Variants in RBFOX1 observed in about 807,000 individuals in gnomAD.
RBFOX1 encodes RNA binding fox-1 homolog 1.
In RBFOX1, 8 loss-of-function variants were observed where a neutral mutation model predicts 57.7. The observed-to-expected ratio is 0.14, with a 90% CI of 0.08 to 0.25. RBFOX1 has a LOEUF of 0.25. Among genes scored for constraint, RBFOX1 ranks in the 10% least tolerant of loss-of-function variants. The probability of loss-of-function intolerance (pLI) is 1.00; values close to 1 mark genes in which losing one functional copy is unlikely to be tolerated. For missense variants in RBFOX1, 611 were observed against 548.5 expected, an observed-to-expected ratio of 1.11 and a Z score of -1.14; for synonymous variants, 326 against 222.4, an observed-to-expected ratio of 1.47 and a Z score of -4.15.
intron 3 of RBFOX1, among the ~76,000 whole-genome samples, chr16:5,825,508 T>C (rs2056006342): frequency 6.6e-6 from 1 of 152,220 alleles, no homozygotes; most frequent in African/African-American, 2.4e-5. Context: ...GGAGCATTCA[T>C]AAACTTGGAT....
At chr16:5,986,905 G>A (rs534904057) in intron 4 of RBFOX1, among the ~76,000 whole-genome samples, 3 of 152,146 alleles carry the variant, frequency 2.0e-5, no homozygotes, top group Non-Finnish European at 4.4e-5. Context: ...TACAACTGCC[G>A]GATCGTGTGG....
chr16:5,278,885 A>T (rs180765638), intron 1 of RBFOX1, among the ~76,000 whole-genome samples: 1 of 152,274 alleles, frequency 6.6e-6, no homozygotes, highest in East Asian at 1.9e-4. Context: ...CTTTCTTGAA[A>T]ATCAGTTAGC....
intron 11 of RBFOX1, among the ~76,000 whole-genome samples, chr16:7,631,623 C>G (rs1197772047): frequency 6.6e-6 from 1 of 152,120 alleles, no homozygotes. Flanking sequence ...AAAAGTGAGT[C>G]TGGGTGCCTG....
At chr16:6,278,731 G>A (rs994884359) in intron 1 of RBFOX1, among the ~76,000 whole-genome samples, 5 of 152,028 alleles carry the variant, frequency 3.3e-5, no homozygotes, top group African/African-American at 1.2e-4. Flanking sequence ...TTTGCATACA[G>A]CTTAGAGCAG....
intron 3 of RBFOX1, among the ~76,000 whole-genome samples, chr16:7,047,314 TA>T (rs2048317679): frequency 6.6e-6 from 1 of 152,230 alleles, no homozygotes; most frequent in Non-Finnish European, 1.5e-5. Context: ...TTGGATGTAG[TA>T]TTCTCAGTTG....
At chr16:6,129,726 T>A (rs2096616246) in intron 1 of RBFOX1, among the ~76,000 whole-genome samples, 3 of 133,956 alleles carry the variant, frequency 2.2e-5, no homozygotes, top group African/African-American at 2.9e-5. Context: ...AGAACTAAAC[T>A]CAGACATCAG....
At chr16:6,444,552 T>G (rs2094447706) in intron 2 of RBFOX1, among the ~76,000 whole-genome samples, 1 of 152,188 alleles carries the variant, frequency 6.6e-6, no homozygotes, top group Non-Finnish European at 1.5e-5. Flanking sequence ...GCCATCCATG[T>G]AAGACGTGAC....
intron 2 of RBFOX1, among the ~76,000 whole-genome samples, chr16:6,545,180 G>A (rs1358890618): frequency 6.6e-6 from 1 of 152,126 alleles, no homozygotes; most frequent in Admixed American, 6.5e-5. Flanking sequence ...ACCCGCATCT[G>A]GACTACAAGC....
intron 1 of RBFOX1, among the ~76,000 whole-genome samples, chr16:5,263,329 C>T (rs946266670): frequency 6.6e-6 from 1 of 152,024 alleles, no homozygotes; most frequent in Admixed American, 6.6e-5. Context: ...TCTGCAATTA[C>T]TTTTGCACCA....
intron 3 of RBFOX1, among the ~76,000 whole-genome samples, chr16:6,905,552 CAA>C (rs55769867): frequency 1.7e-4 from 25 of 143,388 alleles, no homozygotes; most frequent in East Asian, 4.2e-4. Flanking sequence ...GACTCCATCT[CAA>C]AAAAAAAAAA....
intron 3 of RBFOX1, among the ~76,000 whole-genome samples, chr16:5,854,582 T>TCACACA (rs3041543): frequency 1.2e-3 from 175 of 148,664 alleles, no homozygotes; most frequent in East Asian, 7.6e-3. Context: ...AAGCACACAT[T>TCACACA]CACACACACA....
At chr16:6,582,958 C>G (rs2097557749) in intron 2 of RBFOX1, among the ~76,000 whole-genome samples, 1 of 151,568 alleles carries the variant, frequency 6.6e-6, no homozygotes, top group Non-Finnish European at 1.5e-5. Flanking sequence ...TTCTCCTTTC[C>G]TTGAATCTAT....
chr16:6,819,920 C>G (rs62016150), intron 3 of RBFOX1, among the ~76,000 whole-genome samples: 36,839 of 151,830 alleles, frequency 0.24, 4,971 homozygotes, highest in Middle Eastern at 0.32. Context: ...ATCAGGGAGA[C>G]TGTTCCTGCA....
In RBFOX1 at chr16:7,292,531, T is replaced by TACACACAC. The variant is rs35731542; in HGVS notation, c.28-225600_28-225593dup. On this transcript the variant is annotated intron_variant, in intron 4 of 15. Transcript: ENST00000550418. Reference sequence around the variant, plus strand: ...TAAAATATATATAATACTATATGTATACACACACACACACACACACACAAA... The same window carrying TACACACAC: ...TAAAATATATATAATACTATATGTATACACACACACACACACACACACACACACACAAA... 1.9e-3 allele frequency among the ~76,000 whole-genome samples: 270 copies of TACACACAC among 139,062 alleles called. 2 individuals carry two copies. Among genetic ancestry groups the TACACACAC allele is most frequent in the African/African-American group, 6.8e-3 (260 of 38,222 alleles). 91.2% of individuals were successfully genotyped at this position (139,062 alleles called of 152,430 possible).
At chr16:7,218,948 C>G (rs1474906052) in intron 4 of RBFOX1, among the ~76,000 whole-genome samples, 1 of 152,032 alleles carries the variant, frequency 6.6e-6, no homozygotes, top group Non-Finnish European at 1.5e-5. Flanking sequence ...ATGGTCTGTG[C>G]CTAGCAGAGC....
rs1335245359 is a variant in RBFOX1, at chr16:7,052,105, G to T, written c.27+7G>T. 6 of 1,594,582 alleles carry T rather than the reference G, an allele frequency of 3.8e-6. No individual in the cohort carries two copies. Among genetic ancestry groups the T allele is most frequent in the Non-Finnish European group, 5.1e-6 (6 of 1,174,812 alleles). On this transcript the variant is annotated splice_region_variant and intron_variant, in intron 4 of 15. Transcript: ENST00000550418. ...TGAAAGAGAGCAGCTAAGGGTAGGT[G>T]CACCTGCTTGTAAAATGCTTCCTGA...
At chr16:5,498,537 A>G (rs1262985956) in intron 2 of RBFOX1, among the ~76,000 whole-genome samples, 2 of 152,208 alleles carry the variant, frequency 1.3e-5, no homozygotes, top group Non-Finnish European at 2.9e-5. Context: ...GCCTGCTGCA[A>G]GGAGAATAAA....
chr16:6,750,318 A>G (rs530742043), intron 3 of RBFOX1, among the ~76,000 whole-genome samples: 1 of 152,308 alleles, frequency 6.6e-6, no homozygotes, highest in African/African-American at 2.4e-5. Context: ...AGTTTTAATA[A>G]TGGGTCATAG....
chr16:5,618,624 A>G (rs1165884886), intron 3 of RBFOX1, among the ~76,000 whole-genome samples: 1 of 152,234 alleles, frequency 6.6e-6, no homozygotes, highest in Non-Finnish European at 1.5e-5. Context: ...GGCGTGAGCC[A>G]TCGCGCCCAG....
Sources: gnomAD v4.1 joint callset for allele counts (sites outside exome capture counted in the v4.1 genomes callset) on GRCh38, gnomAD v4.1.1 for gene constraint, MANE v1.5 for transcripts, NCBI Gene and HGNC (gene_info 2026-07-23, HGNC 2026-07-21) for gene names.